The following SLC35D1 variants were observed in gnomAD, a reference collection of about 807,000 sequenced individuals.
SLC35D1 encodes the protein solute carrier family 35 member D1, also known as nucleotide sugar transporter SLC35D1.
In SLC35D1, 31 loss-of-function variants were observed where a neutral mutation model predicts 46.7. The ratio of observed to expected loss-of-function variants is 0.66; its 90% confidence interval spans 0.50 to 0.90. The LOEUF (loss-of-function observed/expected upper bound fraction) is 0.90, where lower values mean the gene tolerates loss of function less well. Among genes scored for constraint, SLC35D1 ranks in the 40% least tolerant of loss-of-function variants. The pLI is 0.00. For synonymous variants in SLC35D1, 195 were observed against 164.6 expected (o/e 1.18, Z -1.41); for missense variants, 397 against 426.2 (o/e 0.93, Z 0.60).
the SLC35D1 span, chr1:66,986,174 A>G: frequency 1.9e-5 from 23 of 1,231,306 alleles, no homozygotes; most frequent in Admixed American, 4.1e-5. Context: ...TCTAGTTACA[A>G]TCCAATTTTT....
chr1:66,977,307 A>C, the SLC35D1 span, among the ~76,000 whole-genome samples: 1 of 151,968 alleles, frequency 6.6e-6, no homozygotes. Context: ...ACGGGGTTTC[A>C]CTGTGTTGAC....
At chr1:66,999,162 G>T (rs1387282872), downstream of SLC35D1, among the ~76,000 whole-genome samples, 1 of 152,138 alleles carries the variant, frequency 6.6e-6, no homozygotes, top group Non-Finnish European at 1.5e-5. Context: ...AAAACAGAAA[G>T]ATTAGCACTT....
rs143766142 is a variant in SLC35D1 at position 67,032,202 on chromosome 1, C to G, written c.729+10034G>C. ...TACAGGTGCCAGTATAATGTAAATA[C>G]CCCAGGAGTGAAAACAATGTCCCAT... On this transcript the variant is annotated intron_variant, in intron 8 of 11. Coordinates refer to ENST00000235345, the MANE Select transcript of SLC35D1 (RefSeq NM_015139.3). The G allele has an allele frequency of 4.7e-4, 234 of 494,882 alleles. No homozygotes were observed. The Admixed American group carries it at 0.01, about 21-fold the overall frequency. The allele number at this position is 494,882 out of a possible 1,614,324, so 30.7% of individuals were successfully genotyped here.
the SLC35D1 span, among the ~76,000 whole-genome samples, chr1:66,973,375 T>C: frequency 3.5e-3 from 536 of 152,238 alleles, 2 homozygotes; most frequent in African/African-American, 0.012. Context: ...TATTTGCAGT[T>C]AAAATATTTA....
intron 8 of SLC35D1, among the ~76,000 whole-genome samples, chr1:67,023,518 C>T (rs1667854740): frequency 6.6e-6 from 1 of 150,924 alleles, no homozygotes; most frequent in Admixed American, 6.6e-5. Flanking sequence ...CAGAGTCTCA[C>T]CCTGTCGCGC....
intron 10 of SLC35D1, among the ~76,000 whole-genome samples, chr1:67,018,417 A>G (rs1039632790): frequency 2.6e-5 from 4 of 152,172 alleles, no homozygotes; most frequent in African/African-American, 9.6e-5. Context: ...GAAAACCTGT[A>G]GGTATATATT....
At chr1:67,015,914 G>A (rs938205934) in intron 10 of SLC35D1, among the ~76,000 whole-genome samples, 1 of 151,802 alleles carries the variant, frequency 6.6e-6, no homozygotes, top group Non-Finnish European at 1.5e-5. Context: ...TCTTTTAGTG[G>A]CCTGCAATCC....
intron 8 of SLC35D1, among the ~76,000 whole-genome samples, chr1:67,022,264 T>G (rs11208993): frequency 0.11 from 17,415 of 152,228 alleles, 2,411 homozygotes; most frequent in African/African-American, 0.34. Flanking sequence ...CAATAGGAGT[T>G]TGATAAGCAA....
At chr1:67,044,132 T>C (rs1456301511) in intron 7 of SLC35D1, among the ~76,000 whole-genome samples, 1 of 152,100 alleles carries the variant, frequency 6.6e-6, no homozygotes, top group East Asian at 1.9e-4. Context: ...GGTCAGGAAT[T>C]TGAGACCAGC....
At chr1:66,997,832 T>A (rs991208771), downstream of SLC35D1, among the ~76,000 whole-genome samples, 21 of 148,648 alleles carry the variant, frequency 1.4e-4, no homozygotes, top group East Asian at 5.9e-4. Context: ...GTTAAAAAAA[T>A]ATATATATAT....
At chr1:67,046,565 T>C (rs1488936567) in intron 7 of SLC35D1, among the ~76,000 whole-genome samples, 1 of 152,208 alleles carries the variant, frequency 6.6e-6, no homozygotes. Flanking sequence ...GGATACATTA[T>C]GATATCAAGG....
intron 2 of SLC35D1, 48 bp from the exon 3 acceptor site, chr1:67,052,905 C>T: frequency 6.2e-7 from 1 of 1,613,994 alleles, no homozygotes; most frequent in East Asian, 2.2e-5. Flanking sequence ...TAAAGACACA[C>T]ACAGAAGTTC....
chr1:66,980,142 T>C, the SLC35D1 span, among the ~76,000 whole-genome samples: 1 of 152,350 alleles, frequency 6.6e-6, no homozygotes, highest in African/African-American at 2.4e-5. Context: ...TCATCATGTG[T>C]CTTCTGTTAG....
chr1:67,016,448 T>G (rs1036739510), intron 10 of SLC35D1, among the ~76,000 whole-genome samples: 9 of 152,070 alleles, frequency 5.9e-5, no homozygotes, highest in Non-Finnish European at 5.9e-5. Context: ...ACCATTAGAC[T>G]AGGTAAAAAC....
At chr1:67,011,983 G>A (rs779532924) in intron 10 of SLC35D1, among the ~76,000 whole-genome samples, 19 of 152,100 alleles carry the variant, frequency 1.2e-4, no homozygotes, top group African/African-American at 3.9e-4. Context: ...AGGTTCTCTT[G>A]TCATTTTGTG....
the SLC35D1 span, among the ~76,000 whole-genome samples, chr1:66,983,790 C>T: frequency 4.6e-5 from 7 of 152,180 alleles, no homozygotes; most frequent in African/African-American, 1.7e-4. Flanking sequence ...TGCAGTGGCA[C>T]AATCTCGGCT....
chr1:67,033,756 T>C (rs1668069005), intron 8 of SLC35D1, among the ~76,000 whole-genome samples: 1 of 152,224 alleles, frequency 6.6e-6, no homozygotes, highest in Non-Finnish European at 1.5e-5. Context: ...TAAGAAATCC[T>C]TGCCCAGTCC....
At chr1:66,981,946 T>C in the SLC35D1 span, 1 of 1,610,442 alleles carries the variant, frequency 6.2e-7, no homozygotes, top group Non-Finnish European at 8.5e-7. Context: ...CATTTCTCTT[T>C]CTTCATAATA....
the SLC35D1 span, among the ~76,000 whole-genome samples, chr1:66,979,516 G>T: frequency 6.6e-6 from 1 of 152,148 alleles, no homozygotes; most frequent in Non-Finnish European, 1.5e-5. Flanking sequence ...AGATTTCATT[G>T]TAGAATACTC....
Sources: gnomAD v4.1 joint callset for allele counts (sites outside exome capture counted in the v4.1 genomes callset) on GRCh38, gnomAD v4.1.1 for gene constraint, MANE v1.5 for transcripts, NCBI Gene and HGNC (gene_info 2026-07-23, HGNC 2026-07-21) for gene names.